The following FHIT variants were observed in gnomAD, a reference collection of about 807,000 sequenced individuals.
FHIT encodes the protein bis(5'-adenosyl)-triphosphatase.
FHIT carries 19 observed loss-of-function variants against 17.9 expected under a neutral mutation model. That is an observed-to-expected ratio of 1.06 (90% confidence interval 0.74 to 1.56). FHIT has a LOEUF of 1.56. Ranked by LOEUF, FHIT falls within the 40% of genes most tolerant of loss-of-function variation. The probability of loss-of-function intolerance (pLI) is 0.00; values close to 1 mark genes in which losing one functional copy is unlikely to be tolerated. For synonymous variants in FHIT, 81 were observed against 69.7 expected (o/e 1.16, Z -0.81); for missense variants, 248 against 189.2 (o/e 1.31, Z -1.82).
intron 5 of FHIT, among the ~76,000 whole-genome samples, chr3:60,401,672 A>T: frequency 6.6e-6 from 1 of 152,228 alleles, no homozygotes; most frequent in South Asian, 2.1e-4. Flanking sequence ...AAGTAATCCC[A>T]TTACTAAAAT....
intron 3 of FHIT, among the ~76,000 whole-genome samples, chr3:60,886,767 A>C (rs1705241425): frequency 6.6e-6 from 1 of 152,156 alleles, no homozygotes; most frequent in African/African-American, 2.4e-5. Flanking sequence ...GGAAGAAGCT[A>C]TTCTTGAATG....
At chr3:60,051,045 G>T (rs1701853883) in intron 5 of FHIT, among the ~76,000 whole-genome samples, 2 of 152,148 alleles carry the variant, frequency 1.3e-5, no homozygotes, top group South Asian at 4.1e-4. Context: ...GGACAGCAAA[G>T]GAGAAGTAAT....
chr3:59,930,994 C>G lies in FHIT; in HGVS notation c.280-8580G>C, dbSNP rs111236187. On this transcript the variant is annotated intron_variant, in intron 7 of 9. Transcript: ENST00000492590. The stretch of plus-strand genomic sequence containing the variant: ...GTTCAGATCCTACCTATTCTTTTGA[C>G]TGAGTCAATTCCTTAACTTCTTTCA... 2.9e-3 allele frequency among the ~76,000 whole-genome samples: 439 copies of G among 152,292 alleles called. 3 individuals carry two copies. The highest frequency in any genetic ancestry group is 9.3e-3 in the African/African-American group (387 of 41,552).
At chr3:60,136,864 C>CT (rs113337244) in intron 5 of FHIT, among the ~76,000 whole-genome samples, 24,068 of 151,992 alleles carry the variant, frequency 0.16, 3,161 homozygotes, top group African/African-American at 0.36. Context: ...TAGTAACAGT[C>CT]TGATACTAGA....
intron 1 of FHIT, among the ~76,000 whole-genome samples, chr3:61,234,891 T>A (rs1327798982): frequency 6.6e-6 from 1 of 152,208 alleles, no homozygotes; most frequent in Non-Finnish European, 1.5e-5. Context: ...CAGAAAATGA[T>A]AAAGAAATTT....
At chr3:59,872,087 G>A (rs1323674236) in intron 8 of FHIT, among the ~76,000 whole-genome samples, 1 of 152,158 alleles carries the variant, frequency 6.6e-6, no homozygotes, top group East Asian at 1.9e-4. Flanking sequence ...AGTCACTGAA[G>A]CCACCGTTGA....
At chr3:59,892,731 T>C (rs1017879876) in intron 8 of FHIT, among the ~76,000 whole-genome samples, 1 of 152,176 alleles carries the variant, frequency 6.6e-6, no homozygotes, top group African/African-American at 2.4e-5. Flanking sequence ...GTCATAAAAA[T>C]ATAATTTAGA....
chr3:60,403,404 T>C (rs1296867158), intron 5 of FHIT, among the ~76,000 whole-genome samples: 1 of 152,126 alleles, frequency 6.6e-6, no homozygotes, highest in Non-Finnish European at 1.5e-5. Flanking sequence ...ATCGCTGCTG[T>C]CAGGGCTCAG....
chr3:60,421,791 T>G (rs1029900643), intron 5 of FHIT, among the ~76,000 whole-genome samples: 8 of 152,162 alleles, frequency 5.3e-5, no homozygotes, highest in Admixed American at 4.6e-4. Flanking sequence ...TTCTGTTCTA[T>G]TATTTTTATG....
chr3:59,821,254 C>A (rs1379744162), intron 8 of FHIT, among the ~76,000 whole-genome samples: 1 of 152,098 alleles, frequency 6.6e-6, no homozygotes, highest in Non-Finnish European at 1.5e-5. Context: ...TGAGAAGGAG[C>A]AATCAGAAGA....
At chr3:59,858,236 CTTTT>C (rs563841299) in intron 8 of FHIT, among the ~76,000 whole-genome samples, 49 of 84,494 alleles carry the variant, frequency 5.8e-4, no homozygotes, top group Middle Eastern at 7.6e-3. Context: ...TTCCCACCTT[CTTTT>C]TTTTTTTTTT....
chr3:61,087,466 A>T (rs1244083661), intron 2 of FHIT, among the ~76,000 whole-genome samples: 1 of 152,152 alleles, frequency 6.6e-6, no homozygotes, highest in Non-Finnish European at 1.5e-5. Context: ...CCTAAACTAT[A>T]AAATGGGGAT....
At chr3:60,627,913 T>C (rs1287893024) in intron 4 of FHIT, among the ~76,000 whole-genome samples, 3 of 152,358 alleles carry the variant, frequency 2.0e-5, no homozygotes, top group Admixed American at 2.0e-4. Context: ...GGTTTGTTCA[T>C]CTTTTGAACC....
chr3:60,829,202 A>G (rs1456559068), intron 3 of FHIT, among the ~76,000 whole-genome samples: 1 of 152,214 alleles, frequency 6.6e-6, no homozygotes, highest in Non-Finnish European at 1.5e-5. Flanking sequence ...CCATGCCTGC[A>G]TCCTTACCTC....
At chr3:60,941,006 C>G (rs1399642620) in intron 3 of FHIT, among the ~76,000 whole-genome samples, 1 of 152,100 alleles carries the variant, frequency 6.6e-6, no homozygotes, top group Admixed American at 6.5e-5. Flanking sequence ...TAAAAAGAAA[C>G]AGTTGAAATT....
chr3:60,999,972 G>C (rs546127255), intron 3 of FHIT, among the ~76,000 whole-genome samples: 168 of 152,176 alleles, frequency 1.1e-3, no homozygotes, highest in African/African-American at 3.9e-3. Flanking sequence ...GGCCTCTTTT[G>C]TATAGGCACT....
intron 3 of FHIT, among the ~76,000 whole-genome samples, chr3:60,825,061 C>G (rs1410053552): frequency 1.3e-5 from 2 of 152,082 alleles, no homozygotes; most frequent in African/African-American, 4.8e-5. Flanking sequence ...CAGTGTTGTC[C>G]AAGATATGAG....
chr3:59,793,526 C>CA (rs1422532182), intron 8 of FHIT, among the ~76,000 whole-genome samples: 1 of 152,106 alleles, frequency 6.6e-6, no homozygotes, highest in Non-Finnish European at 1.5e-5. Flanking sequence ...TCCTGGCTTC[C>CA]AGACCAGTGC....
intron 5 of FHIT, among the ~76,000 whole-genome samples, chr3:60,082,480 A>C (rs1448423473): frequency 6.6e-6 from 1 of 151,946 alleles, no homozygotes; most frequent in African/African-American, 2.4e-5. Context: ...TTTTCTTTTG[A>C]ATATATATCC....
Sources: gnomAD v4.1 joint callset for allele counts (sites outside exome capture counted in the v4.1 genomes callset) on GRCh38, gnomAD v4.1.1 for gene constraint, MANE v1.5 for transcripts, NCBI Gene and HGNC (gene_info 2026-07-23, HGNC 2026-07-21) for gene names.